LOXHD1: variants seen among roughly 807,000 people sequenced by gnomAD.
LOXHD1 encodes lipoxygenase homology domain-containing protein 1.
LOXHD1 carries 205 observed loss-of-function variants against 248.2 expected under a neutral mutation model. The observed-to-expected ratio is 0.83, with a 90% CI of 0.74 to 0.93. The LOEUF (loss-of-function observed/expected upper bound fraction) is 0.93. Among genes scored for constraint, LOXHD1 ranks in the 40% least tolerant of loss-of-function variants. The pLI is 0.00. For missense variants in LOXHD1, 2,930 were observed against 2,971.6 expected (o/e 0.99, Z 0.33); for synonymous variants, 1,113 against 1,162.8 (o/e 0.96, Z 0.87).
intron 4 of LOXHD1, among the ~76,000 whole-genome samples, chr18:46,627,014 G>A (rs537958932): frequency 6.6e-4 from 101 of 152,274 alleles, no homozygotes; most frequent in African/African-American, 2.4e-3. Context: ...TTGGATTATG[G>A]AAGATTTTCT....
chr18:46,508,228 G>A (rs1338121595), intron 35 of LOXHD1, among the ~76,000 whole-genome samples: 1 of 152,188 alleles, frequency 6.6e-6, no homozygotes, highest in Non-Finnish European at 1.5e-5. Flanking sequence ...GACTCAGGTA[G>A]GGGACTGCAG....
chr18:46,589,678 C>T (rs953964798), intron 12 of LOXHD1, among the ~76,000 whole-genome samples: 3 of 152,158 alleles, frequency 2.0e-5, no homozygotes, highest in South Asian at 2.1e-4. Context: ...GGCCCTTGAC[C>T]GTACTTTAGG....
At chr18:46,588,497 A>C (rs1431562185) in intron 12 of LOXHD1, among the ~76,000 whole-genome samples, 1 of 152,182 alleles carries the variant, frequency 6.6e-6, no homozygotes, top group Non-Finnish European at 1.5e-5. Context: ...CATTTTATAC[A>C]TGTAACCTGT....
intron 33 of LOXHD1, 115 bp downstream of exon 33, chr18:46,520,982 G>A: frequency 8.0e-7 from 1 of 1,252,512 alleles, no homozygotes; most frequent in Non-Finnish European, 1.1e-6. Context: ...TGCAGCGCCT[G>A]CGGATGCCCC....
At chr18:46,499,255 A>C (rs2034072997) in intron 37 of LOXHD1, among the ~76,000 whole-genome samples, 1 of 152,212 alleles carries the variant, frequency 6.6e-6, no homozygotes, top group Non-Finnish European at 1.5e-5. Flanking sequence ...CATTTGGGAT[A>C]ATCAGGGAGC....
intron 22 of LOXHD1, among the ~76,000 whole-genome samples, chr18:46,546,482 A>ACATTC (rs2036840673): frequency 8.7e-6 from 1 of 115,466 alleles, no homozygotes; most frequent in Non-Finnish European, 1.9e-5. Context: ...CCAACCCATC[A>ACATTC]CATTCCATTC....
In LOXHD1 at chr18:46,604,244, A is replaced by G; in HGVS notation, c.760-15T>C. On this transcript the variant is annotated splice_polypyrimidine_tract_variant and intron_variant, in intron 6 of 40. Transcript: ENST00000642948. Reference sequence around the variant, plus strand: ...TCAATGACTATCTGGGAAGGAGAAGAGGGGACAAGGATGTAGATAAGTGTT... The same window carrying G: ...TCAATGACTATCTGGGAAGGAGAAGGGGGGACAAGGATGTAGATAAGTGTT... The G allele has an allele frequency of 6.4e-7, 1 of 1,551,644 alleles. No individual in the cohort carries two copies. The highest frequency in any genetic ancestry group is 8.7e-7 in the Non-Finnish European group (1 of 1,146,948).
chr18:46,484,931 C>T, intron 39 of LOXHD1, 88 bp downstream of exon 39: 1 of 1,482,248 alleles, frequency 6.7e-7, no homozygotes, highest in Non-Finnish European at 9.1e-7. Context: ...CATTTGTGTA[C>T]CTATGGCTCC....
In LOXHD1 at chr18:46,521,263, G is replaced by T; in HGVS notation, c.5105C>A (p.Ser1702Tyr). Residue 1702 changes from serine to tyrosine, a missense_variant, in exon 33 of 41, where the codon TCC becomes TAC. Transcript: ENST00000642948. ...KKIELGHDGA[S>Y]PESCWLVEEL... ...TTCCACCAGCCAGCAGCTCTCAGGG[G>T]AGGCCCCGTCATGGCCCAGCTAGGA... The T allele has an allele frequency of 6.4e-7, 1 of 1,551,728 alleles. No individual in the cohort carries two copies. The highest frequency in any genetic ancestry group is 8.7e-7 in the Non-Finnish European group (1 of 1,147,004).
intron 4 of LOXHD1, among the ~76,000 whole-genome samples, chr18:46,622,149 T>C (rs8089556): frequency 6.6e-6 from 1 of 152,196 alleles, no homozygotes; most frequent in Non-Finnish European, 1.5e-5. Flanking sequence ...CCAGACCCTA[T>C]GCCAGGGTGG....
intron 34 of LOXHD1, among the ~76,000 whole-genome samples, chr18:46,514,627 T>A (rs1177850997): frequency 6.6e-6 from 1 of 152,194 alleles, no homozygotes; most frequent in African/African-American, 2.4e-5. Context: ...CCCATTTGAG[T>A]GTCTGTCCTC....
At chr18:46,483,910 T>A (rs1331614423) in intron 39 of LOXHD1, among the ~76,000 whole-genome samples, 165 bp from the exon 40 acceptor site, 1 of 151,958 alleles carries the variant, frequency 6.6e-6, no homozygotes, top group Non-Finnish European at 1.5e-5. Flanking sequence ...TCAGTTCAGT[T>A]TGGGACCAAG....
intron 19 of LOXHD1, 31 bp downstream of exon 19, chr18:46,560,052 T>TGGCCCC: frequency 2.3e-6 from 1 of 441,130 alleles, no homozygotes; most frequent in Non-Finnish European, 3.6e-6. Context: ...GGCCACTCCC[T>TGGCCCC]CCCCACCCCC....
At chr18:46,571,043 A>T (rs1194531102) in intron 15 of LOXHD1, among the ~76,000 whole-genome samples, 4 of 152,188 alleles carry the variant, frequency 2.6e-5, no homozygotes, top group Non-Finnish European at 4.4e-5. Context: ...GAGGGGGAAT[A>T]GGGGTCCTTT....
chr18:46,618,293 A>C lies in LOXHD1; in HGVS notation c.512-3T>G. ...TACCTTGACTTCATACTTATTACCT[A>C]GGAACAAGGAGAGAGAAAAACCTTA... On this transcript the variant is annotated splice_region_variant and splice_polypyrimidine_tract_variant and intron_variant, in intron 4 of 40. Coordinates refer to ENST00000642948, the MANE Select transcript of LOXHD1 (RefSeq NM_001384474.1). The C allele has an allele frequency of 6.5e-7, 1 of 1,544,188 alleles. No individual in the cohort carries two copies. The highest frequency in any genetic ancestry group is 8.8e-7 in the Non-Finnish European group (1 of 1,140,526).
chr18:46,497,401 G>C (rs1240913558), intron 37 of LOXHD1, among the ~76,000 whole-genome samples: 1 of 152,166 alleles, frequency 6.6e-6, no homozygotes, highest in African/African-American at 2.4e-5. Flanking sequence ...TTGGAGTCAC[G>C]TTTTTGCATA....
chr18:46,564,396 G>A (rs1288409891), intron 17 of LOXHD1, among the ~76,000 whole-genome samples: 2 of 152,104 alleles, frequency 1.3e-5, no homozygotes, highest in African/African-American at 4.8e-5. Context: ...GAGGGGTGTG[G>A]TGGCACGTGC....
intron 37 of LOXHD1, among the ~76,000 whole-genome samples, chr18:46,490,948 T>C (rs374624196): frequency 3.9e-5 from 6 of 152,190 alleles, no homozygotes; most frequent in Non-Finnish European, 5.9e-5. Context: ...CTGTCGAAGA[T>C]TGAACTACTT....
chr18:46,581,656 C>T (rs1177018964), intron 12 of LOXHD1, among the ~76,000 whole-genome samples: 1 of 151,728 alleles, frequency 6.6e-6, no homozygotes, highest in East Asian at 1.9e-4. Context: ...TCAAAACTTC[C>T]CAAATTTGAT....
Sources: allele counts gnomAD v4.1 joint callset (sites outside exome capture counted in the v4.1 genomes callset), GRCh38; gene constraint gnomAD v4.1.1; transcripts MANE v1.5; gene names NCBI Gene and HGNC (gene_info 2026-07-23, HGNC 2026-07-21).